CCSER1: variants seen among roughly 807,000 people sequenced by gnomAD.
CCSER1 encodes serine-rich coiled-coil domain-containing protein 1.
In CCSER1, 41 loss-of-function variants were observed where a neutral mutation model predicts 82.0. That is an observed-to-expected ratio of 0.50 (90% CI 0.39 to 0.65). The LOEUF (loss-of-function observed/expected upper bound fraction) is 0.65. Ranked by LOEUF, CCSER1 falls within the 30% of genes least tolerant of loss-of-function variation. The pLI, the probability that CCSER1 is intolerant of heterozygous loss-of-function variation, is 0.00. For synonymous variants in CCSER1, 414 were observed against 383.9 expected (o/e 1.08, Z -0.92); for missense variants, 1,119 against 1,064.2 (o/e 1.05, Z -0.72).
At chr4:90,247,853 T>C (rs1721715053) in intron 1 of CCSER1, among the ~76,000 whole-genome samples, 1 of 151,898 alleles carries the variant, frequency 6.6e-6, no homozygotes, top group Non-Finnish European at 1.5e-5. Context: ...TTCTTATTTA[T>C]GGTTTTTTTT....
At chr4:91,420,501 C>T (rs1004793270) in intron 10 of CCSER1, among the ~76,000 whole-genome samples, 3 of 152,030 alleles carry the variant, frequency 2.0e-5, no homozygotes, top group African/African-American at 7.3e-5. Flanking sequence ...TATTACTTCA[C>T]GTCTCTTAGA....
intron 10 of CCSER1, among the ~76,000 whole-genome samples, chr4:91,087,172 T>A (rs150614438): frequency 6.0e-4 from 91 of 152,200 alleles, no homozygotes; most frequent in Middle Eastern, 3.4e-3. Flanking sequence ...AAGTGAAAGT[T>A]TTCATCCGAG....
intron 10 of CCSER1, among the ~76,000 whole-genome samples, chr4:91,296,264 T>G (rs1744153566): frequency 6.6e-6 from 1 of 151,336 alleles, no homozygotes; most frequent in South Asian, 2.1e-4. Flanking sequence ...AGAAAAAGCT[T>G]TCTAAGTTTT....
chr4:90,136,596 G>A (rs2153324818), intron 1 of CCSER1, among the ~76,000 whole-genome samples: 1 of 152,300 alleles, frequency 6.6e-6, no homozygotes, highest in African/African-American at 2.4e-5. Context: ...CCTACATCAT[G>A]TTTACAAATA....
intron 3 of CCSER1, among the ~76,000 whole-genome samples, chr4:90,334,346 C>A (rs1365818073): frequency 6.6e-6 from 1 of 151,874 alleles, no homozygotes; most frequent in Non-Finnish European, 1.5e-5. Flanking sequence ...GAAAGTAGCA[C>A]AAACAGATAG....
rs552450850 is a variant in CCSER1 at position 91,599,298 on chromosome 4, T to A, written c.*241T>A. On this transcript the variant is annotated 3_prime_UTR_variant, in exon 11 of 11. Coordinates refer to ENST00000509176, the MANE Select transcript of CCSER1 (RefSeq NM_001145065.2). ...CCTTGAAGACTTTACTATATAGGTG[T>A]ATAATAAATGGGACCATCATGATCG... 9.2e-5 allele frequency: 37 copies of A among 402,406 alleles called. No homozygotes were observed. Among genetic ancestry groups the A allele is most frequent in the African/African-American group, 7.3e-4 (36 of 49,436 alleles). The allele number at this position is 402,406 out of a possible 1,614,324, so 24.9% of individuals were successfully genotyped here.
At chr4:90,847,338 C>T (rs574835367) in intron 8 of CCSER1, among the ~76,000 whole-genome samples, 1 of 152,280 alleles carries the variant, frequency 6.6e-6, no homozygotes, top group African/African-American at 2.4e-5. Flanking sequence ...ATCTGGCCTG[C>T]GGCAGTGTCC....
chr4:91,281,132 G>T (rs1463681728), intron 10 of CCSER1, among the ~76,000 whole-genome samples: 12 of 152,098 alleles, frequency 7.9e-5, no homozygotes, highest in Non-Finnish European at 1.8e-4. Context: ...CCTTGTTTTG[G>T]GGAATCTCTC....
rs540855034 is a variant in CCSER1, at chr4:90,301,907, A to G, written c.-41-6337A>G. On this transcript the variant is annotated intron_variant, in intron 1 of 10. Coordinates refer to ENST00000509176, the MANE Select transcript of CCSER1 (RefSeq NM_001145065.2). ...TCTTTCATGAATAATTGAAGTTGCT[A>G]TGATGACATATTGTTTCATTAAACT... Among the ~76,000 whole-genome samples the G allele has an allele frequency of 2.0e-5, 3 of 152,184 alleles. 1 individual carries two copies. In the South Asian group the frequency reaches 6.2e-4, roughly 31 times the overall value.
intron 8 of CCSER1, among the ~76,000 whole-genome samples, chr4:90,823,813 G>A (rs751703791): frequency 3.3e-5 from 5 of 151,604 alleles, no homozygotes; most frequent in Non-Finnish European, 7.4e-5. Flanking sequence ...CATCAAGAGC[G>A]TGATTTAGTA....
At chr4:90,406,310 T>C (rs1406242388) in intron 4 of CCSER1, among the ~76,000 whole-genome samples, 1 of 152,108 alleles carries the variant, frequency 6.6e-6, no homozygotes, top group Non-Finnish European at 1.5e-5. Flanking sequence ...AGGAAAATAT[T>C]GCAGTTCTAA....
intron 10 of CCSER1, among the ~76,000 whole-genome samples, chr4:91,324,433 A>C (rs1746408363): frequency 1.3e-5 from 2 of 152,170 alleles, no homozygotes; most frequent in South Asian, 4.1e-4. Context: ...CACACGAGCA[A>C]AATGTTGGTG....
intron 9 of CCSER1, among the ~76,000 whole-genome samples, chr4:90,931,485 A>G (rs1341435017): frequency 6.6e-6 from 1 of 152,146 alleles, no homozygotes; most frequent in Non-Finnish European, 1.5e-5. Flanking sequence ...TCTCAGAAAC[A>G]CTAATTTTTT....
chr4:91,081,837 C>G (rs1013866321), intron 9 of CCSER1, among the ~76,000 whole-genome samples: 20 of 152,226 alleles, frequency 1.3e-4, no homozygotes, highest in African/African-American at 4.8e-4. Flanking sequence ...AATAAAATAC[C>G]TAGGAATCCA....
intron 6 of CCSER1, among the ~76,000 whole-genome samples, chr4:90,670,422 T>C (rs1451469379): frequency 6.6e-6 from 1 of 152,108 alleles, no homozygotes; most frequent in African/African-American, 2.4e-5. Flanking sequence ...CCATATCTCA[T>C]GGGGATAAGA....
At chr4:90,421,545 C>A (rs1158725028) in intron 4 of CCSER1, among the ~76,000 whole-genome samples, 3 of 152,070 alleles carry the variant, frequency 2.0e-5, no homozygotes, top group Non-Finnish European at 4.4e-5. Context: ...TGGTAGTTTT[C>A]TGTAGAGGAA....
At chr4:91,018,427 T>C (rs1739630720) in intron 9 of CCSER1, among the ~76,000 whole-genome samples, 1 of 152,150 alleles carries the variant, frequency 6.6e-6, no homozygotes, top group Non-Finnish European at 1.5e-5. Context: ...ATTATCTCTT[T>C]ATCTGCAATC....
intron 5 of CCSER1, among the ~76,000 whole-genome samples, chr4:90,621,466 T>G (rs907017422): frequency 1.3e-4 from 17 of 128,964 alleles, no homozygotes; most frequent in East Asian, 2.0e-4. Context: ...AGTTTCTGGG[T>G]TTTTTTTTTT....
chr4:91,060,907 T>G (rs767625439), intron 9 of CCSER1, among the ~76,000 whole-genome samples: 3 of 152,094 alleles, frequency 2.0e-5, no homozygotes, highest in Non-Finnish European at 4.4e-5. Context: ...TTTTGAAATG[T>G]CCAGTTTTCA....
Sources: allele counts gnomAD v4.1 joint callset (sites outside exome capture counted in the v4.1 genomes callset), GRCh38; gene constraint gnomAD v4.1.1; transcripts MANE v1.5; gene names NCBI Gene and HGNC (gene_info 2026-07-23, HGNC 2026-07-21).